Variants in ASAP1 observed in about 807,000 individuals in gnomAD.
The protein encoded by ASAP1 is arf-GAP with SH3 domain, ANK repeat and PH domain-containing protein 1.
ASAP1 carries 43 observed loss-of-function variants against 145.2 expected under a neutral mutation model. The ratio of observed to expected loss-of-function variants is 0.30; its 90% CI spans 0.23 to 0.38. ASAP1 has a LOEUF of 0.38. Among genes scored for constraint, ASAP1 ranks in the 10% least tolerant of loss-of-function variants. The pLI, the probability that ASAP1 is intolerant of heterozygous loss-of-function variation, is 1.00. For missense variants in ASAP1, 1,018 were observed against 1,355.3 expected, an observed-to-expected ratio of 0.75 and a Z score of 3.91; for synonymous variants, 546 against 515.5, an observed-to-expected ratio of 1.06 and a Z score of -0.80.
At chr8:130,182,831 C>CAAAAA (rs35195899) in intron 7 of ASAP1, among the ~76,000 whole-genome samples, 6 of 73,578 alleles carry the variant, frequency 8.2e-5, no homozygotes, top group Non-Finnish European at 1.3e-4. Context: ...TATAAAAAGG[C>CAAAAA]AAAAAAAAAA....
rs767879678 is a variant in ASAP1 at position 130,351,739 on chromosome 8, C to T, written c.186+6278G>A. 2.0e-4 allele frequency among the ~76,000 whole-genome samples: 31 copies of T among 152,250 alleles called. 1 individual carries two copies. The highest frequency in any genetic ancestry group is 1.6e-3 in the Admixed American group (25 of 15,298). On this transcript the variant is annotated intron_variant, in intron 3 of 29. Coordinates refer to ENST00000518721, the MANE Select transcript of ASAP1 (RefSeq NM_018482.4). ...ACTTATCACCAAGGGGATGATGATG[C>T]TAAACCATTCATGAGGCATCCGCCC...
intron 3 of ASAP1, among the ~76,000 whole-genome samples, chr8:130,349,459 C>A (rs1565233548): frequency 6.6e-6 from 1 of 152,188 alleles, no homozygotes; most frequent in Admixed American, 6.5e-5. Context: ...ACTTAGCACA[C>A]CAGGCACTGT....
intron 5 of ASAP1, among the ~76,000 whole-genome samples, chr8:130,209,833 T>C (rs1420141841): frequency 1.3e-5 from 2 of 152,190 alleles, no homozygotes; most frequent in Non-Finnish European, 2.9e-5. Context: ...CTATGGTTAT[T>C]CGGACTCCAG....
At chr8:130,128,998 C>T (rs1564993063) in intron 15 of ASAP1, among the ~76,000 whole-genome samples, 1 of 152,242 alleles carries the variant, frequency 6.6e-6, no homozygotes, top group East Asian at 1.9e-4. Flanking sequence ...GGGAGAGACC[C>T]GTGTAGGAGG....
At chr8:130,378,492 C>T (rs114790992) in intron 2 of ASAP1, among the ~76,000 whole-genome samples, 19 of 152,272 alleles carry the variant, frequency 1.2e-4, no homozygotes, top group African/African-American at 3.1e-4. Flanking sequence ...AGGCTTGACA[C>T]GCACATAGAT....
intron 13 of ASAP1, among the ~76,000 whole-genome samples, chr8:130,148,885 A>T (rs2097639439): frequency 6.6e-6 from 1 of 151,932 alleles, no homozygotes; most frequent in Non-Finnish European, 1.5e-5. Flanking sequence ...CCCAGGCTGG[A>T]GTGCAGTGGC....
intron 3 of ASAP1, among the ~76,000 whole-genome samples, chr8:130,277,751 C>T (rs1820999369): frequency 6.6e-6 from 1 of 152,202 alleles, no homozygotes; most frequent in Non-Finnish European, 1.5e-5. Flanking sequence ...TAAGATTTCT[C>T]AAAAGAGTTT....
intron 12 of ASAP1, among the ~76,000 whole-genome samples, chr8:130,153,345 A>G (rs953051559): frequency 6.3e-5 from 3 of 47,926 alleles, no homozygotes; most frequent in African/African-American, 1.8e-4. Context: ...ATATATATAT[A>G]TATATATATA....
chr8:130,161,132 C>T (rs1423338655), intron 11 of ASAP1, among the ~76,000 whole-genome samples: 1 of 151,918 alleles, frequency 6.6e-6, no homozygotes, highest in Non-Finnish European at 1.5e-5. Flanking sequence ...GAATCAATAC[C>T]TCAGTGAAAC....
At chr8:130,084,754 A>G (rs1315917467) in intron 25 of ASAP1, 2 of 152,184 alleles carry the variant, frequency 1.3e-5, no homozygotes, top group African/African-American at 4.8e-5. Flanking sequence ...CCCACTTCCA[A>G]TAAGTAGATA....
intron 3 of ASAP1, among the ~76,000 whole-genome samples, chr8:130,261,603 C>G (rs1419940124): frequency 6.6e-6 from 1 of 152,070 alleles, no homozygotes; most frequent in Non-Finnish European, 1.5e-5. Context: ...CAAGAGATAC[C>G]TAACACACAC....
intron 4 of ASAP1, among the ~76,000 whole-genome samples, chr8:130,235,330 C>T (rs1324404475): frequency 6.6e-6 from 1 of 152,002 alleles, no homozygotes. Context: ...AATATACATA[C>T]CTACAGAAAA....
chr8:130,070,091 C>T (rs1374333024), intron 27 of ASAP1, among the ~76,000 whole-genome samples: 1 of 152,086 alleles, frequency 6.6e-6, no homozygotes, highest in East Asian at 1.9e-4. Context: ...GGCTGGAGTG[C>T]AGTGGCGCAA....
chr8:130,220,995 G>A (rs923591622), intron 4 of ASAP1, among the ~76,000 whole-genome samples: 1 of 152,066 alleles, frequency 6.6e-6, no homozygotes, highest in African/African-American at 2.4e-5. Context: ...CAACATGTGG[G>A]GATTACAATT....
rs2097652460 is a variant in ASAP1, at chr8:130,153,751, AC to A, written c.1011-947del. Among the ~76,000 whole-genome samples the A allele has an allele frequency of 4.6e-5, 7 of 152,314 alleles. No homozygotes were observed. In the South Asian group the frequency reaches 1.5e-3, roughly 32 times the overall value. ...GAGACTCAATAAATGAATGACAGGT[AC>A]TACAATGATATAATAATAACTCCTC... On this transcript the variant is annotated intron_variant, in intron 12 of 29. Transcript: ENST00000518721.
chr8:130,136,357 G>A (rs760861339), intron 14 of ASAP1, among the ~76,000 whole-genome samples: 3 of 152,192 alleles, frequency 2.0e-5, no homozygotes, highest in Admixed American at 2.0e-4. Context: ...AAGTAGAAGA[G>A]TGACAGGGTG....
At chr8:130,420,219 G>T (rs1367181832) in intron 1 of ASAP1, among the ~76,000 whole-genome samples, 1 of 143,900 alleles carries the variant, frequency 6.9e-6, no homozygotes, top group Non-Finnish European at 1.5e-5. Context: ...CACCCACTAG[G>T]CTGGCCATAA....
intron 2 of ASAP1, among the ~76,000 whole-genome samples, chr8:130,375,174 T>C (rs1827422747): frequency 6.6e-6 from 1 of 152,132 alleles, no homozygotes; most frequent in African/African-American, 2.4e-5. Context: ...TAGGCCAGTG[T>C]CAGGGATGGT....
At chr8:130,072,793 A>ATGTGTGTGTGTGTGTG (rs1206526066) in intron 27 of ASAP1, among the ~76,000 whole-genome samples, 177 of 102,488 alleles carry the variant, frequency 1.7e-3, no homozygotes, top group Middle Eastern at 9.4e-3. Context: ...TGCAATTGAT[A>ATGTGTGTGTGTGTGTG]TGTGTGTGTG....
Sources: allele counts gnomAD v4.1 joint callset (sites outside exome capture counted in the v4.1 genomes callset), GRCh38; gene constraint gnomAD v4.1.1; transcripts MANE v1.5; gene names NCBI Gene and HGNC (gene_info 2026-07-23, HGNC 2026-07-21).